ANKS1B: variants seen among roughly 807,000 people sequenced by gnomAD.
The protein encoded by ANKS1B is ankyrin repeat and sterile alpha motif domain-containing protein 1B.
ANKS1B carries 36 observed loss-of-function variants against 148.3 expected under a neutral mutation model. The observed-to-expected ratio is 0.24, with a 90% CI of 0.19 to 0.32. ANKS1B has a LOEUF of 0.32. ANKS1B is among the 10% of genes least tolerant of loss of function. The pLI is 1.00. For synonymous variants in ANKS1B, 542 were observed against 560.8 expected, an observed-to-expected ratio of 0.97 and a Z score of 0.47; for missense variants, 1,157 against 1,542.6, an observed-to-expected ratio of 0.75 and a Z score of 4.19.
At chr12:99,429,575 T>C (rs776157091) in intron 11 of ANKS1B, among the ~76,000 whole-genome samples, 16 of 152,246 alleles carry the variant, frequency 1.1e-4, no homozygotes, top group Non-Finnish European at 2.1e-4. Flanking sequence ...GAAGTTTGAA[T>C]GGAGTCTTAA....
intron 16 of ANKS1B, among the ~76,000 whole-genome samples, chr12:99,066,640 G>A (rs1207092597): frequency 6.6e-6 from 1 of 152,212 alleles, no homozygotes; most frequent in African/African-American, 2.4e-5. Flanking sequence ...TTTGACTGCT[G>A]TGTTGAGTAA....
At chr12:99,687,528 T>C (rs2098656373) in intron 8 of ANKS1B, among the ~76,000 whole-genome samples, 1 of 152,146 alleles carries the variant, frequency 6.6e-6, no homozygotes, top group African/African-American at 2.4e-5. Context: ...TCAATCCTTC[T>C]TCTTTCTGTA....
chr12:99,947,915 T>G (rs2095111090), intron 1 of ANKS1B, among the ~76,000 whole-genome samples: 1 of 152,168 alleles, frequency 6.6e-6, no homozygotes, highest in Admixed American at 6.5e-5. Context: ...ATCTTCAAAG[T>G]CAGCAATGGT....
intron 8 of ANKS1B, among the ~76,000 whole-genome samples, chr12:99,711,621 G>A (rs1212567474): frequency 6.6e-6 from 1 of 152,116 alleles, no homozygotes; most frequent in Non-Finnish European, 1.5e-5. Flanking sequence ...GATCATTAGA[G>A]AAATGCAAAT....
At chr12:99,868,191 T>A (rs2091007716) in intron 1 of ANKS1B, among the ~76,000 whole-genome samples, 1 of 152,188 alleles carries the variant, frequency 6.6e-6, no homozygotes, top group South Asian at 2.1e-4. Flanking sequence ...AGGATAGTGG[T>A]TGTCCTTTGG....
intron 12 of ANKS1B, among the ~76,000 whole-genome samples, chr12:99,365,514 T>G (rs2092716611): frequency 6.6e-6 from 1 of 152,072 alleles, no homozygotes; most frequent in Admixed American, 6.6e-5. Context: ...GGTGGATGAT[T>G]CCGGGTATAG....
chr12:99,774,828 A>AAAG (rs61372299), intron 7 of ANKS1B, among the ~76,000 whole-genome samples: 68,360 of 151,662 alleles, frequency 0.45, 15,814 homozygotes, highest in South Asian at 0.62. Context: ...CAGCCTTAAA[A>AAAG]AAGGAGATCC....
intron 17 of ANKS1B, among the ~76,000 whole-genome samples, chr12:99,027,990 CA>C (rs2153454487): frequency 6.6e-6 from 1 of 152,216 alleles, no homozygotes; most frequent in Admixed American, 6.5e-5. Flanking sequence ...GCAGAATAAT[CA>C]AGGAACAAGT....
intron 1 of ANKS1B, among the ~76,000 whole-genome samples, chr12:99,897,823 C>T (rs2093436240): frequency 7.1e-6 from 1 of 140,100 alleles, no homozygotes; most frequent in Admixed American, 7.4e-5. Context: ...GAGTTCTAAA[C>T]GAGGACATAA....
At chr12:99,554,793 A>T (rs2153179576) in intron 9 of ANKS1B, among the ~76,000 whole-genome samples, 1 of 152,310 alleles carries the variant, frequency 6.6e-6, no homozygotes, top group Non-Finnish European at 1.5e-5. Context: ...TTATTTTGTC[A>T]TCCAGGTAGT....
chr12:98,778,867 C>T (rs952497293), intron 24 of ANKS1B, among the ~76,000 whole-genome samples: 4 of 152,174 alleles, frequency 2.6e-5, no homozygotes, highest in African/African-American at 9.7e-5. Flanking sequence ...AGACTATTGC[C>T]CTGAGTCACC....
chr12:99,593,125 A>G (rs1164036127), intron 9 of ANKS1B, among the ~76,000 whole-genome samples: 1 of 152,068 alleles, frequency 6.6e-6, no homozygotes, highest in African/African-American at 2.4e-5. Context: ...TCAAAAATAG[A>G]GGAGAGTATA....
At chr12:98,948,096 T>C (rs1334641237) in intron 17 of ANKS1B, among the ~76,000 whole-genome samples, 1 of 152,214 alleles carries the variant, frequency 6.6e-6, no homozygotes, top group Non-Finnish European at 1.5e-5. Flanking sequence ...TTTTGTTGTA[T>C]AACGCAGAAC....
intron 9 of ANKS1B, among the ~76,000 whole-genome samples, chr12:99,525,807 T>C (rs965863635): frequency 6.6e-6 from 1 of 152,000 alleles, no homozygotes; most frequent in Non-Finnish European, 1.5e-5. Flanking sequence ...ATAACCAAGG[T>C]TGTACAGAAA....
At chr12:98,780,044 C>T (rs140230648) in intron 24 of ANKS1B, among the ~76,000 whole-genome samples, 117 of 152,270 alleles carry the variant, frequency 7.7e-4, no homozygotes, top group African/African-American at 2.6e-3. Context: ...GAAAAACTTC[C>T]GATTCAGATG....
chr12:99,139,367 C>CT (rs1566375376), intron 15 of ANKS1B, among the ~76,000 whole-genome samples: 19 of 42 alleles, frequency 0.45, no homozygotes, highest in Non-Finnish European at 0.47. Context: ...CCCTCCCTCC[C>CT]TCCCTCCCTC....
chr12:99,491,468 C>T (rs1278793227), intron 10 of ANKS1B, among the ~76,000 whole-genome samples: 1 of 151,984 alleles, frequency 6.6e-6, no homozygotes, highest in Non-Finnish European at 1.5e-5. Flanking sequence ...GTTTGTTGTA[C>T]AGATTTTTTA....
intron 17 of ANKS1B, among the ~76,000 whole-genome samples, chr12:98,987,783 T>C (rs1466341758): frequency 1.3e-5 from 2 of 152,118 alleles, no homozygotes; most frequent in East Asian, 1.9e-4. Flanking sequence ...TAAGACTAGA[T>C]TGACTTGGTG....
At chr12:99,171,260 T>C (rs1308397292) in intron 14 of ANKS1B, among the ~76,000 whole-genome samples, 2 of 152,200 alleles carry the variant, frequency 1.3e-5, no homozygotes, top group Admixed American at 6.5e-5. Flanking sequence ...TCCTTCTTCC[T>C]TATGGAGAAA....
Sources: allele counts gnomAD v4.1 joint callset (sites outside exome capture counted in the v4.1 genomes callset), GRCh38; gene constraint gnomAD v4.1.1; transcripts MANE v1.5; gene names NCBI Gene and HGNC (gene_info 2026-07-23, HGNC 2026-07-21).